PRKAA2: variants seen among roughly 807,000 people sequenced by gnomAD.
PRKAA2 encodes the protein protein kinase AMP-activated catalytic subunit alpha 2.
Under a neutral mutation model 56.3 loss-of-function variants are expected in PRKAA2, and 40 were observed. The ratio of observed to expected loss-of-function variants is 0.71; its 90% CI spans 0.55 to 0.92. PRKAA2 has a LOEUF of 0.92. Ranked by LOEUF, PRKAA2 falls within the 40% of genes least tolerant of loss-of-function variation. The probability of loss-of-function intolerance (pLI) is 0.00; values close to 1 mark genes in which losing one functional copy is unlikely to be tolerated. For synonymous variants in PRKAA2, 214 were observed against 234.2 expected (o/e 0.91, Z 0.79); for missense variants, 542 against 686.9 (o/e 0.79, Z 2.36).
intron 2 of PRKAA2, among the ~76,000 whole-genome samples, chr1:56,678,496 A>G (rs1046197678): frequency 6.6e-6 from 1 of 152,218 alleles, no homozygotes; most frequent in South Asian, 2.1e-4. Flanking sequence ...AAAAATTACA[A>G]ATGAATGACC....
chr1:56,694,259 T>G (rs534518259), intron 5 of PRKAA2, among the ~76,000 whole-genome samples: 5 of 152,200 alleles, frequency 3.3e-5, no homozygotes, highest in African/African-American at 1.2e-4. Flanking sequence ...AAAATGAGAT[T>G]TTGGGGGAAA....
intron 1 of PRKAA2, among the ~76,000 whole-genome samples, chr1:56,655,280 A>ATATATATATGTATAT: frequency 6.4e-5 from 6 of 93,680 alleles, no homozygotes. Flanking sequence ...ATATATATAT[A>ATATATATATGTATAT]TTTTTTTTTT....
chr1:56,658,162 GAA>G (rs951780417), intron 1 of PRKAA2, among the ~76,000 whole-genome samples: 56 of 151,952 alleles, frequency 3.7e-4, no homozygotes, highest in Non-Finnish European at 2.9e-4. Flanking sequence ...GGACTCTAGA[GAA>G]AAAAACACAG....
At chr1:56,670,535 T>C (rs1388258647) in intron 1 of PRKAA2, among the ~76,000 whole-genome samples, 1 of 152,178 alleles carries the variant, frequency 6.6e-6, no homozygotes, top group African/African-American at 2.4e-5. Flanking sequence ...GGTGGCCACA[T>C]CTATTAATAG....
At chr1:56,671,169 G>T (rs1465657075) in intron 1 of PRKAA2, among the ~76,000 whole-genome samples, 1 of 152,134 alleles carries the variant, frequency 6.6e-6, no homozygotes, top group African/African-American at 2.4e-5. Context: ...TTTATTACAA[G>T]ATTTTCAGGA....
At position 56,712,508 on chromosome 1, in the gene PRKAA2, T is replaced by G. The variant is rs1644375227; in HGVS notation, c.*4795T>G. 1 of 152,182 alleles carries G rather than the reference T, an allele frequency of 6.6e-6. No homozygotes were observed. The highest frequency in any genetic ancestry group is 2.1e-4 in the South Asian group (1 of 4,832). 9.4% of individuals were successfully genotyped at this position (152,182 alleles called of 1,614,324 possible). ...AAAATGCTGAAGAAACTTTAAAACA[T>G]GATTCTTCTTATAATTTTATGTGAT... is the stretch of plus-strand genomic sequence containing the variant. On this transcript the variant is annotated 3_prime_UTR_variant, in exon 9 of 9. Coordinates refer to ENST00000371244, the MANE Select transcript of PRKAA2 (RefSeq NM_006252.4).
intron 2 of PRKAA2, among the ~76,000 whole-genome samples, chr1:56,682,435 T>C (rs57114150): frequency 0.12 from 18,462 of 152,114 alleles, 1,692 homozygotes; most frequent in African/African-American, 0.24. Flanking sequence ...CAGAATGTTT[T>C]CAAAGCAAGG....
At position 56,713,703 on chromosome 1, in the gene PRKAA2, G is replaced by A. The variant is rs947666042; in HGVS notation, c.*5990G>A. On this transcript the variant is annotated 3_prime_UTR_variant, in exon 9 of 9. Transcript: ENST00000371244. Reference sequence around the variant, plus strand: ...TTCAAGGAGGAACAAAAACATTCTAGCCAAGGAGAATTGCATTGTTATTTT... The same window carrying A: ...TTCAAGGAGGAACAAAAACATTCTAACCAAGGAGAATTGCATTGTTATTTT... 6.6e-5 allele frequency: 10 copies of A among 150,496 alleles called. No individual in the cohort carries two copies. The highest frequency in any genetic ancestry group is 1.0e-4 in the Non-Finnish European group (7 of 67,282). 9.3% of individuals were successfully genotyped at this position (150,496 alleles called of 1,614,324 possible).
rs1429725208 is a variant in PRKAA2 at position 56,692,636 on chromosome 1, T to C, written c.475+134T>C. The C allele has an allele frequency of 8.8e-6, 7 of 798,160 alleles. No individual in the cohort carries two copies. In the South Asian group the frequency reaches 2.0e-4, roughly 23 times the overall value. The allele number at this position is 798,160 out of a possible 1,614,324, so 49.4% of individuals were successfully genotyped here. A position where few individuals can be genotyped will look rare whatever the true frequency, so the allele number is the denominator to read the frequency against. ...AAGGAATTAGCTGAAATCTCCTCAG[T>C]AGCTTTTTTTTTTCATTTAATTAAA... On this transcript the variant is annotated intron_variant, in intron 4 of 8. Coordinates refer to ENST00000371244, the MANE Select transcript of PRKAA2 (RefSeq NM_006252.4).
intron 1 of PRKAA2, among the ~76,000 whole-genome samples, chr1:56,651,211 G>A (rs1643894137): frequency 6.6e-6 from 1 of 152,098 alleles, no homozygotes; most frequent in South Asian, 2.1e-4. Context: ...TATTCATCCT[G>A]GTTAATGAAA....
intron 6 of PRKAA2, among the ~76,000 whole-genome samples, chr1:56,696,528 A>G (rs1644260185): frequency 6.6e-6 from 1 of 151,740 alleles, no homozygotes; most frequent in Non-Finnish European, 1.5e-5. Flanking sequence ...GTTATTTCTC[A>G]GTGTGTCTTT....
chr1:56,662,571 G>A (rs1043280006), intron 1 of PRKAA2, among the ~76,000 whole-genome samples: 17 of 152,114 alleles, frequency 1.1e-4, no homozygotes, highest in Non-Finnish European at 2.5e-4. Flanking sequence ...GCAGGCATGA[G>A]CCACCATGCC....
rs1392209125 is a variant in PRKAA2, at chr1:56,707,845, G to T, written c.*132G>T. ...TGAATTATTTCCAGGGGCACACAAT[G>T]CTATTGAAATTACTGAAAACAAAAT... On this transcript the variant is annotated 3_prime_UTR_variant, in exon 9 of 9. Coordinates refer to ENST00000371244, the MANE Select transcript of PRKAA2 (RefSeq NM_006252.4). 2 of 860,540 alleles carry T rather than the reference G, an allele frequency of 2.3e-6. No individual in the cohort carries two copies. Among genetic ancestry groups the T allele is most frequent in the Non-Finnish European group, 3.6e-6 (2 of 558,144 alleles). The allele number at this position is 860,540 out of a possible 1,614,324, so 53.3% of individuals were successfully genotyped here. A position where few individuals can be genotyped will look rare whatever the true frequency, so the allele number is the denominator to read the frequency against.
chr1:56,699,218 A>C (rs536494456), intron 6 of PRKAA2, among the ~76,000 whole-genome samples: 1 of 152,324 alleles, frequency 6.6e-6, no homozygotes, highest in South Asian at 2.1e-4. Context: ...TTTTGAGGGA[A>C]TATTTGAAAA....
chr1:56,714,342 T>C lies in PRKAA2; in HGVS notation c.*6629T>C, dbSNP rs999352707. On this transcript the variant is annotated 3_prime_UTR_variant, in exon 9 of 9. Transcript: ENST00000371244. ...TGTGGATAATAACCTACCTCACAGA[T>C]GTGTGTGAGCAACTGTTTGAAAGCC... 1 of 152,150 alleles carries C rather than the reference T, an allele frequency of 6.6e-6. No individual in the cohort carries two copies. The highest frequency in any genetic ancestry group is 1.5e-5 in the Non-Finnish European group (1 of 67,994). 9.4% of individuals were successfully genotyped at this position (152,150 alleles called of 1,614,324 possible). A position where few individuals can be genotyped will look rare whatever the true frequency, so the allele number is the denominator to read the frequency against.
chr1:56,677,706 G>T (rs1644123414), intron 2 of PRKAA2, among the ~76,000 whole-genome samples: 2 of 150,620 alleles, frequency 1.3e-5, no homozygotes, highest in Non-Finnish European at 2.9e-5. Flanking sequence ...GCCCAGGCTG[G>T]AGTGCAGTGG....
Position 56,713,504 on chromosome 1 carries a change from T to C in PRKAA2, c.*5791T>C, listed in dbSNP as rs1438278364. 1 of 151,854 alleles carries C rather than the reference T, an allele frequency of 6.6e-6. No individual in the cohort carries two copies. Among genetic ancestry groups the C allele is most frequent in the Non-Finnish European group, 1.5e-5 (1 of 67,950 alleles). The allele number at this position is 151,854 out of a possible 1,614,324, so 9.4% of individuals were successfully genotyped here. On this transcript the variant is annotated 3_prime_UTR_variant, in exon 9 of 9. Coordinates refer to ENST00000371244, the MANE Select transcript of PRKAA2 (RefSeq NM_006252.4). The stretch of plus-strand genomic sequence containing the variant: ...CAATTACGTTTGAAGTGTAATTAAA[T>C]CCTAGAATAGAGCACTCTCCAGAAA...
intron 2 of PRKAA2, among the ~76,000 whole-genome samples, chr1:56,688,849 A>C (rs1644208629): frequency 6.6e-6 from 1 of 152,208 alleles, no homozygotes. Flanking sequence ...CCACGAGTAG[A>C]GGCACCAACT....
Position 56,704,209 on chromosome 1 carries a change from G to A in PRKAA2, c.1027G>A (p.Ala343Thr), listed in dbSNP as rs370738439. The A allele has an allele frequency of 3.9e-5, 63 of 1,613,976 alleles. No homozygotes were observed. The highest frequency in any genetic ancestry group is 4.7e-5 in the Non-Finnish European group (55 of 1,180,034). ...IMNQASEFYL[A>T]SSPPSGSFMD... is the part of the protein sequence containing the mutation. Reference sequence around the variant, plus strand: ...GAACCAAGCCAGTGAGTTCTACCTCGCCTCTAGTCCTCCATCTGGTTCTTT... The same window carrying A: ...GAACCAAGCCAGTGAGTTCTACCTCACCTCTAGTCCTCCATCTGGTTCTTT... The change falls in exon 7 of 9, where the codon GCC (alanine) becomes ACC (threonine). Residue 343 changes from alanine to threonine, a missense_variant. Coordinates refer to ENST00000371244, the MANE Select transcript of PRKAA2 (RefSeq NM_006252.4).
Sources: gnomAD v4.1 joint callset for allele counts (sites outside exome capture counted in the v4.1 genomes callset) on GRCh38, gnomAD v4.1.1 for gene constraint, MANE v1.5 for transcripts, NCBI Gene and HGNC (gene_info 2026-07-23, HGNC 2026-07-21) for gene names.